MANSC4: variants seen among roughly 807,000 people sequenced by gnomAD.
MANSC4 encodes MANSC domain containing 4, also known as MANSC domain-containing protein 4.
A neutral mutation model predicts 11.4 loss-of-function variants in MANSC4; 11 were observed. That is an observed-to-expected ratio of 0.97 (90% CI 0.61 to 1.60). MANSC4 has a LOEUF of 1.60. Ranked by LOEUF, MANSC4 falls within the 40% of genes most tolerant of loss-of-function variation. MANSC4 has a pLI of 0.00. For missense variants in MANSC4, 354 were observed against 404.6 expected (o/e 0.88, Z 1.07); for synonymous variants, 123 against 147.1 (o/e 0.84, Z 1.19).
intron 1 of MANSC4, among the ~76,000 whole-genome samples, chr12:27,773,044 A>G (rs2062106609): frequency 1.3e-5 from 2 of 152,198 alleles, no homozygotes; most frequent in Admixed American, 6.5e-5. Context: ...TTTCATTTTA[A>G]AGGACCTAGA....
At position 27,763,369 on chromosome 12, in the gene MANSC4, T is replaced by G; in HGVS notation, c.392A>C (p.Glu131Ala). 6.5e-7 allele frequency: 1 copy of G among 1,548,130 alleles called. No individual in the cohort carries two copies. The highest frequency in any genetic ancestry group is 2.4e-5 in the East Asian group (1 of 40,878). Residue 131 changes from glutamate (E) to alanine (A), a missense_variant, in exon 4 of 4, where the codon GAA (glutamate) becomes GCA (alanine). Coordinates refer to ENST00000381273, the MANE Select transcript of MANSC4 (RefSeq NM_001146221.5). ...DGIDPDLLVF[E>A]QSPTYLNTRS... The stretch of plus-strand genomic sequence containing the variant: ...AGTATTTAGATATGTGGGAGATTGT[T>G]CAAAAACCAGCAAATCCGGATCTAT...
At chr12:27,765,005 C>A (rs1201732329) in intron 3 of MANSC4, among the ~76,000 whole-genome samples, 1 of 151,712 alleles carries the variant, frequency 6.6e-6, no homozygotes, top group African/African-American at 2.4e-5. Context: ...CCTTGCCTGG[C>A]TAATTTTTTT....
intron 2 of MANSC4, among the ~76,000 whole-genome samples, chr12:27,770,147 G>A (rs547523253): frequency 1.3e-5 from 2 of 152,246 alleles, no homozygotes; most frequent in East Asian, 3.9e-4. Context: ...GTAAACCCAA[G>A]TCAGCACATT....
intron 3 of MANSC4, among the ~76,000 whole-genome samples, chr12:27,763,840 C>G (rs2062059544): frequency 6.6e-6 from 1 of 152,136 alleles, no homozygotes; most frequent in African/African-American, 2.4e-5. Flanking sequence ...AAACAATCCT[C>G]TCACCTCAGT....
In MANSC4 at chr12:27,766,680, A is replaced by G; in HGVS notation, c.349T>C (p.Tyr117His). ...TAATCATTACCGTCTGTTATGTTGT[A>G]CAAAATGGCACTGGTTCCAGGCTCT... ...ILEPGTSAIL[Y>H]NITDGIDPDL... Residue 117 changes from tyrosine to histidine, a missense_variant, in exon 3 of 4, where the codon TAC becomes CAC. Physicochemically the swap from Tyr to His is moderately conservative, Grantham distance 83 (BLOSUM62 2). Coordinates refer to ENST00000381273, the MANE Select transcript of MANSC4 (RefSeq NM_001146221.5). 3 of 1,551,266 alleles carry G rather than the reference A, an allele frequency of 1.9e-6. No individual in the cohort carries two copies. The highest frequency in any genetic ancestry group is 1.7e-4 in the Middle Eastern group (1 of 5,988).
chr12:27,773,890 G>A (rs1468898486), intron 1 of MANSC4, among the ~76,000 whole-genome samples: 1 of 152,162 alleles, frequency 6.6e-6, no homozygotes, highest in Non-Finnish European at 1.5e-5. Context: ...GCTCACGCCT[G>A]TAATCCCAGC....
At position 27,770,615 on chromosome 12, in the gene MANSC4, G is replaced by A. The variant is rs369012157; in HGVS notation, c.229+433C>T. Among the ~76,000 whole-genome samples, 90 of 152,180 alleles carry A rather than the reference G, an allele frequency of 5.9e-4. 1 individual carries two copies. Among genetic ancestry groups the A allele is most frequent in the African/African-American group, 2.1e-3 (89 of 41,502 alleles). On this transcript the variant is annotated intron_variant, in intron 2 of 3. Coordinates refer to ENST00000381273, the MANE Select transcript of MANSC4 (RefSeq NM_001146221.5). ...GCACTTTGGGAGGCTGAGGCAGGAG[G>A]ATCACCTGAGTCCAGGAGTTCGAGA...
intron 1 of MANSC4, among the ~76,000 whole-genome samples, chr12:27,775,522 G>A (rs2062116358): frequency 6.6e-6 from 1 of 152,104 alleles, no homozygotes; most frequent in Non-Finnish European, 1.5e-5. Flanking sequence ...GCAAGACCCT[G>A]TCTCAAATAA....
Position 27,763,026 on chromosome 12 carries a change from A to G in MANSC4, c.735T>C (p.His245=), listed in dbSNP as rs1164193467. 9.0e-6 allele frequency: 14 copies of G among 1,551,738 alleles called. No homozygotes were observed. The highest frequency in any genetic ancestry group is 1.2e-5 in the South Asian group (1 of 84,068). ...FFEPIDTKLS[H]MPVPPGLNSS... The stretch of plus-strand genomic sequence containing the variant: ...TGTTGAGTCCAGGTGGAACAGGCAT[A>G]TGAGAAAGTTTTGTGTCTATGGGTT... Residue 245 remains histidine (H), a synonymous_variant, in exon 4 of 4, where the codon CAT becomes CAC. Transcript: ENST00000381273.
At chr12:27,770,637 G>A (rs1224376273) in intron 2 of MANSC4, among the ~76,000 whole-genome samples, 2 of 152,176 alleles carry the variant, frequency 1.3e-5, no homozygotes, top group Non-Finnish European at 2.9e-5. Context: ...CCAGGAGTTC[G>A]AGACCAGCCC....
Position 27,778,493 on chromosome 12 carries a change from G to C in MANSC4, c.-307+1717C>G, listed in dbSNP as rs141661957. Among the ~76,000 whole-genome samples, 22 of 151,856 alleles carry C rather than the reference G, an allele frequency of 1.4e-4. 1 individual carries two copies. The highest frequency in any genetic ancestry group is 3.4e-3 in the Middle Eastern group (1 of 292). ...GGTAGGATGTATCTTCTTTAAATAG[G>C]GGAAATGTACTTATGAAGAAGATAT... On this transcript the variant is annotated intron_variant, in intron 1 of 3. Coordinates refer to ENST00000381273, the MANE Select transcript of MANSC4 (RefSeq NM_001146221.5).
intron 1 of MANSC4, among the ~76,000 whole-genome samples, chr12:27,774,990 C>T (rs1314490030): frequency 6.6e-6 from 1 of 151,632 alleles, no homozygotes; most frequent in Non-Finnish European, 1.5e-5. Flanking sequence ...CGCCACTGCA[C>T]TCCAGCCTGG....
rs538846069 is a variant in MANSC4, at chr12:27,770,337, C to A, written c.229+711G>T. 2.4e-4 allele frequency among the ~76,000 whole-genome samples: 37 copies of A among 152,264 alleles called. 1 individual carries two copies. The South Asian group carries it at 5.6e-3, about 23-fold the overall frequency. On this transcript the variant is annotated intron_variant, in intron 2 of 3. Transcript: ENST00000381273. ...CTGGGATTACAGGCGCCTGCCACCA[C>A]CCCTGGCTAATTTTTGTATTTTTAG...
intron 2 of MANSC4, among the ~76,000 whole-genome samples, chr12:27,767,696 TCAA>T (rs370551889): frequency 1.5e-4 from 23 of 151,854 alleles, no homozygotes; most frequent in South Asian, 6.2e-4. Flanking sequence ...AAACTCCGTC[TCAA>T]CAACAACAAC....
At chr12:27,777,874 G>A (rs1383672921) in intron 1 of MANSC4, among the ~76,000 whole-genome samples, 1 of 152,022 alleles carries the variant, frequency 6.6e-6, no homozygotes, top group Non-Finnish European at 1.5e-5. Context: ...TTGGGGCCAG[G>A]AGTTTGAGGT....
At chr12:27,764,059 C>G (rs1220265268) in intron 3 of MANSC4, among the ~76,000 whole-genome samples, 1 of 152,122 alleles carries the variant, frequency 6.6e-6, no homozygotes, top group Non-Finnish European at 1.5e-5. Context: ...TCAAGTTAAG[C>G]AAAATAGGGC....
In MANSC4 at chr12:27,763,273, G is replaced by T. The variant is rs11049125; in HGVS notation, c.488C>A (p.Thr163Lys). 3.9e-6 allele frequency: 6 copies of T among 1,551,566 alleles called. No individual in the cohort carries two copies. In the East Asian group the frequency reaches 1.2e-4, roughly 32 times the overall value. ...KAMNLDKQTT[T>K]INGMLPSTEA... The stretch of plus-strand genomic sequence containing the variant: ...TGTGGATGGCAGCATACCATTTATC[G>T]TGGTGGTTTGTTTATCTAAATTCAT... The change falls in exon 4 of 4, where the codon ACG becomes AAG. Residue 163 changes from threonine (T) to lysine (K), a missense_variant. Transcript: ENST00000381273.
At chr12:27,768,611 T>C (rs1355500272) in intron 2 of MANSC4, among the ~76,000 whole-genome samples, 6 of 149,916 alleles carry the variant, frequency 4.0e-5, no homozygotes, top group Non-Finnish European at 5.9e-5. Flanking sequence ...CCATGTGATA[T>C]GAAATATCCA....
Position 27,765,121 on chromosome 12 carries a change from G to A in MANSC4, c.364+1544C>T, listed in dbSNP as rs529412158. Among the ~76,000 whole-genome samples the A allele has an allele frequency of 9.2e-5, 14 of 152,286 alleles. No individual in the cohort carries two copies. The South Asian group carries it at 2.5e-3, about 27-fold the overall frequency. ...CAAAGTGCTGGAATTACAGGCGTGA[G>A]CCACTGCACTCGGGCTTGCAAAGTG... On this transcript the variant is annotated intron_variant, in intron 3 of 3. Coordinates refer to ENST00000381273, the MANE Select transcript of MANSC4 (RefSeq NM_001146221.5).
Sources: gnomAD v4.1 joint callset for allele counts (sites outside exome capture counted in the v4.1 genomes callset) on GRCh38, gnomAD v4.1.1 for gene constraint, MANE v1.5 for transcripts, NCBI Gene and HGNC (gene_info 2026-07-23, HGNC 2026-07-21) for gene names.